The following UBR1 variants were observed in gnomAD, a reference collection of about 807,000 sequenced individuals.
UBR1 encodes the protein E3 ubiquitin-protein ligase UBR1.
Under a neutral mutation model 242.1 loss-of-function variants are expected in UBR1, and 102 were observed. The observed-to-expected ratio is 0.42, with a 90% CI of 0.36 to 0.50. The LOEUF is 0.50. Among genes scored for constraint, UBR1 ranks in the 20% least tolerant of loss-of-function variants. The pLI, the probability that UBR1 is intolerant of heterozygous loss-of-function variation, is 0.01. For missense variants in UBR1, 1,772 were observed against 2,101.8 expected (o/e 0.84, Z 3.07); for synonymous variants, 675 against 684.8 (o/e 0.99, Z 0.22).
chr15:42,977,922 T>A lies in UBR1; in HGVS notation c.4176A>T (p.Glu1392Asp). 6.2e-7 allele frequency: 1 copy of A among 1,613,396 alleles called. No individual in the cohort carries two copies. The highest frequency in any genetic ancestry group is 8.5e-7 in the Non-Finnish European group (1 of 1,179,528). The change falls in exon 38 of 47, where the codon GAA becomes GAT. Residue 1392 changes from glutamate (E) to aspartate (D), a missense_variant. Glu to Asp is a conservative substitution (Grantham distance 45). Transcript: ENST00000290650. ...LSVVLPNIKS[E>D]DTPCLLSIDL... The stretch of plus-strand genomic sequence containing the variant: ...CTATAGACAGAAGGCATGGTGTATC[T>A]TCTGATTTTATGTTAGGAAGAACAA...
chr15:42,960,147 T>C (rs2031990905), intron 43 of UBR1, among the ~76,000 whole-genome samples: 2 of 152,172 alleles, frequency 1.3e-5, no homozygotes, highest in African/African-American at 4.8e-5. Context: ...TTTAAATTAG[T>C]ACTTAAGAAG....
At chr15:42,988,082 A>G (rs2032501746) in intron 35 of UBR1, among the ~76,000 whole-genome samples, 1 of 152,128 alleles carries the variant, frequency 6.6e-6, no homozygotes, top group Non-Finnish European at 1.5e-5. Flanking sequence ...TCTCTCTTAA[A>G]CTGCCTCAGT....
chr15:42,985,989 C>CAAAAAAAAAAAAAA (rs1230190123), intron 35 of UBR1, among the ~76,000 whole-genome samples: 3 of 46,986 alleles, frequency 6.4e-5, no homozygotes, highest in Non-Finnish European at 1.3e-4. Context: ...GACCCTGTCT[C>CAAAAAAAAAAAAAA]AAAAAAAAAA....
intron 1 of UBR1, among the ~76,000 whole-genome samples, chr15:43,104,371 C>T (rs769667954): frequency 1.5e-4 from 23 of 152,134 alleles, no homozygotes; most frequent in Non-Finnish European, 2.5e-4. Context: ...CAGCAGTTTC[C>T]CCACTCCTTC....
At chr15:43,068,090 A>T (rs1160954370) in intron 5 of UBR1, 54 bp from the exon 6 acceptor site, 431 of 150,134 alleles carry the variant, frequency 2.9e-3, no homozygotes, top group Non-Finnish European at 4.4e-3. Flanking sequence ...AAGGAAAAGT[A>T]AAAAAAAAAA....
At chr15:43,061,245 T>A (rs189550188) in intron 6 of UBR1, among the ~76,000 whole-genome samples, 2 of 152,260 alleles carry the variant, frequency 1.3e-5, no homozygotes, top group Admixed American at 1.3e-4. Flanking sequence ...GCTCACATCA[T>A]GAATTTTAGC....
chr15:43,064,235 T>C (rs1237579778), intron 6 of UBR1, among the ~76,000 whole-genome samples: 1 of 152,172 alleles, frequency 6.6e-6, no homozygotes, highest in Non-Finnish European at 1.5e-5. Context: ...TAGAGCTTGA[T>C]CACTATGAGG....
intron 44 of UBR1, 134 bp from the exon 45 acceptor site, chr15:42,952,582 G>A (rs1453127894): frequency 1.0e-6 from 1 of 990,126 alleles, no homozygotes; most frequent in African/African-American, 1.6e-5. Flanking sequence ...TAAAACACAA[G>A]GAAACATTTA....
chr15:43,025,919 G>T (rs1458768321), intron 23 of UBR1: 6 of 158,362 alleles, frequency 3.8e-5, no homozygotes, highest in Non-Finnish European at 6.9e-5. Flanking sequence ...AAATGCAAAA[G>T]AATTATCTTC....
chr15:42,994,961 C>A (rs1448864687), intron 33 of UBR1, among the ~76,000 whole-genome samples: 1 of 152,128 alleles, frequency 6.6e-6, no homozygotes, highest in Non-Finnish European at 1.5e-5. Flanking sequence ...TCCATGATTT[C>A]TTTTTTAAAG....
chr15:43,087,902 T>C lies in UBR1; in HGVS notation c.82-1662A>G, dbSNP rs968725993. 2.0e-5 allele frequency among the ~76,000 whole-genome samples: 3 copies of C among 152,104 alleles called. No individual in the cohort carries two copies. In the East Asian group the frequency reaches 5.8e-4, roughly 29 times the overall value. On this transcript the variant is annotated intron_variant, in intron 1 of 46. Transcript: ENST00000290650. ...ACATAAAGCAAAAGTTACACAACAG[T>C]GAGTATAATGTGCTACCATTTATAC...
chr15:43,072,559 A>G (rs1376980091), intron 4 of UBR1, among the ~76,000 whole-genome samples: 1 of 152,184 alleles, frequency 6.6e-6, no homozygotes, highest in Non-Finnish European at 1.5e-5. Flanking sequence ...CTCCAATACA[A>G]TATTGAACAG....
At chr15:43,099,580 A>G (rs2034202285) in intron 1 of UBR1, among the ~76,000 whole-genome samples, 1 of 152,188 alleles carries the variant, frequency 6.6e-6, no homozygotes, top group Non-Finnish European at 1.5e-5. Context: ...TATGTAAATT[A>G]TATCTCAATA....
chr15:43,029,505 C>G (rs2033225947), intron 21 of UBR1, among the ~76,000 whole-genome samples: 1 of 152,174 alleles, frequency 6.6e-6, no homozygotes, highest in African/African-American at 2.4e-5. Flanking sequence ...CCATTGAAGC[C>G]CAGCAGTCTG....
chr15:43,076,911 GC>G (rs1314560918), intron 3 of UBR1, among the ~76,000 whole-genome samples: 2 of 99,978 alleles, frequency 2.0e-5, no homozygotes, highest in African/African-American at 7.1e-5. Context: ...GGGGGGGTCA[GC>G]CCCCCGCCCG....
Position 43,021,307 on chromosome 15 carries a change from C to T in UBR1, c.2908G>A (p.Gly970Ser). 1.9e-6 allele frequency: 3 copies of T among 1,613,766 alleles called. No homozygotes were observed. Among genetic ancestry groups the T allele is most frequent in the East Asian group, 2.2e-5 (1 of 44,776 alleles). ...EKLKGIPQLE[G>S]QKDMITWILQ... ...ATCCACGTTATCATGTCCTTCTGGC[C>T]TTCTAACTGGGGAATTCCTTTGAGT... The change falls in exon 27 of 47, where the codon GGC becomes AGC. Residue 970 changes from glycine to serine, a missense_variant. By Grantham distance (56) the Gly-to-Ser change is moderately conservative. This residue lies in a region of UBR1 where 965 missense variants were observed against 1,079.7 expected (regional missense o/e 0.89). Coordinates refer to ENST00000290650, the MANE Select transcript of UBR1 (RefSeq NM_174916.3).
At chr15:43,004,452 C>T (rs2032773535) in intron 30 of UBR1, among the ~76,000 whole-genome samples, 1 of 152,206 alleles carries the variant, frequency 6.6e-6, no homozygotes, top group Non-Finnish European at 1.5e-5. Context: ...TGTACTGCCG[C>T]CATCTCGGCT....
intron 25 of UBR1, among the ~76,000 whole-genome samples, chr15:43,023,096 C>T (rs2033131466): frequency 6.6e-6 from 1 of 152,108 alleles, no homozygotes. Flanking sequence ...TGGTCTTAAA[C>T]TCCTGCGCTC....
intron 3 of UBR1, among the ~76,000 whole-genome samples, chr15:43,079,760 C>T (rs1398897481): frequency 2.0e-5 from 3 of 151,434 alleles, no homozygotes; most frequent in Non-Finnish European, 4.4e-5. Flanking sequence ...CCAGCCTGGG[C>T]GACAAAGCGA....
Sources: gnomAD v4.1 joint callset for allele counts (sites outside exome capture counted in the v4.1 genomes callset) on GRCh38, gnomAD v4.1.1 for gene constraint, gnomAD v4.1.1 regional missense constraint, MANE v1.5 for transcripts, NCBI Gene and HGNC (gene_info 2026-07-23, HGNC 2026-07-21) for gene names.